TENM1: variants seen among roughly 807,000 people sequenced by gnomAD.
The protein encoded by TENM1 is teneurin transmembrane protein 1.
A neutral mutation model predicts 174.8 loss-of-function variants in TENM1; 35 were observed. That is an observed-to-expected ratio of 0.20 (90% CI 0.15 to 0.27). TENM1 has a LOEUF of 0.27. Among genes scored for constraint, TENM1 ranks in the 10% least tolerant of loss-of-function variants. The pLI, the probability that TENM1 is intolerant of heterozygous loss-of-function variation, is 1.00. For synonymous variants in TENM1, 781 were observed against 798.7 expected, an observed-to-expected ratio of 0.98 and a Z score of 0.37; for missense variants, 1,633 against 2,130.1, an observed-to-expected ratio of 0.77 and a Z score of 4.59.
At chrX:125,000,814 G>A in the TENM1 span, among the ~76,000 whole-genome samples, 865 of 111,386 alleles carry the variant, frequency 7.8e-3, 14 homozygotes, top group African/African-American at 0.026. Context: ...CTCATTACAT[G>A]AGGTTGAGAC....
the TENM1 span, among the ~76,000 whole-genome samples, chrX:125,020,527 T>TTTA: frequency 1.6e-4 from 18 of 109,168 alleles, no homozygotes; most frequent in Non-Finnish European, 2.5e-4. Flanking sequence ...CAGGTTTATT[T>TTTA]TTATTATTAT....
the TENM1 span, among the ~76,000 whole-genome samples, chrX:125,052,345 C>T: frequency 8.9e-6 from 1 of 111,762 alleles, no homozygotes; most frequent in Non-Finnish European, 1.9e-5. Flanking sequence ...AATGGCTCTT[C>T]GAATGGTTGT....
chrX:124,811,070 C>G, intron 3 of TENM1, among the ~76,000 whole-genome samples: 1 of 110,963 alleles, frequency 9.0e-6, no homozygotes, highest in East Asian at 2.8e-4. Context: ...TATAAAATGA[C>G]CAGGATAAAA....
intron 22 of TENM1, among the ~76,000 whole-genome samples, chrX:124,462,660 A>G (rs925659560): frequency 8.1e-5 from 9 of 111,420 alleles, no homozygotes; most frequent in Admixed American, 5.8e-4. Flanking sequence ...TCCAATCATG[A>G]TCCATGTAGG....
intron 3 of TENM1, among the ~76,000 whole-genome samples, chrX:124,739,707 A>T (rs2148556381): frequency 8.9e-6 from 1 of 112,356 alleles, no homozygotes; most frequent in East Asian, 2.8e-4. Context: ...ATATTATAGC[A>T]TCCCCATCAT....
intron 11 of TENM1, among the ~76,000 whole-genome samples, chrX:124,612,299 C>T (rs1002086670): frequency 1.9e-4 from 21 of 110,410 alleles, no homozygotes; most frequent in Non-Finnish European, 7.6e-5. Flanking sequence ...TTTCAAACTA[C>T]ACATACTCCA....
chrX:125,127,023 T>C, the TENM1 span, among the ~76,000 whole-genome samples: 1 of 111,654 alleles, frequency 9.0e-6, no homozygotes, highest in Non-Finnish European at 1.9e-5. Flanking sequence ...TGTAATATCA[T>C]TGTCTATGAA....
At chrX:124,385,364 G>T (rs1438926800) in intron 29 of TENM1, among the ~76,000 whole-genome samples, 1 of 112,149 alleles carries the variant, frequency 8.9e-6, no homozygotes. Flanking sequence ...GTTTCAGTGA[G>T]ACTTATATCT....
At chrX:124,760,587 A>C (rs1468162761) in intron 3 of TENM1, among the ~76,000 whole-genome samples, 2 of 112,090 alleles carry the variant, frequency 1.8e-5, no homozygotes, top group African/African-American at 6.5e-5. Context: ...AAACCAAAGA[A>C]AACCCTAGAA....
In TENM1 at chrX:124,782,480, A is replaced by C. The variant is rs189561642; in HGVS notation, c.536-45283T>G. Among the ~76,000 whole-genome samples, 63 of 111,037 alleles carry C rather than the reference A, an allele frequency of 5.7e-4. No individual in the cohort carries two copies. The Admixed American group carries it at 5.8e-3, about 10-fold the overall frequency. On this transcript the variant is annotated intron_variant, in intron 3 of 31. Coordinates refer to ENST00000422452, the Ensembl canonical transcript of TENM1. The stretch of plus-strand genomic sequence containing the variant: ...CATATATACCATACCCTATGCTTCA[A>C]CCAAAATGACTTACTTGGTATTACC...
At chrX:124,413,678 G>A (rs1442821857) in intron 25 of TENM1, among the ~76,000 whole-genome samples, 1 of 112,313 alleles carries the variant, frequency 8.9e-6, no homozygotes, top group Non-Finnish European at 1.9e-5. Context: ...ACAAGGAGAG[G>A]TGACTGAGCA....
At chrX:124,426,545 T>C (rs1214699512) in intron 23 of TENM1, among the ~76,000 whole-genome samples, 1 of 111,527 alleles carries the variant, frequency 9.0e-6, no homozygotes, top group Non-Finnish European at 1.9e-5. Context: ...ACTGGTGATA[T>C]TGTGAAGAGG....
chrX:125,039,417 G>A, the TENM1 span, among the ~76,000 whole-genome samples: 3 of 111,094 alleles, frequency 2.7e-5, no homozygotes, highest in African/African-American at 9.8e-5. Context: ...ACCACCAGGG[G>A]AGTCAAATGC....
intron 22 of TENM1, among the ~76,000 whole-genome samples, chrX:124,460,956 T>C (rs2061165982): frequency 1.8e-5 from 2 of 111,512 alleles, no homozygotes; most frequent in African/African-American, 6.5e-5. Flanking sequence ...CCCATTGGCT[T>C]TGTTAGATTG....
At chrX:124,514,399 C>A (rs1266660626) in intron 18 of TENM1, among the ~76,000 whole-genome samples, 3 of 110,591 alleles carry the variant, frequency 2.7e-5, no homozygotes, top group Non-Finnish European at 5.7e-5. Context: ...TTTAAAAGAT[C>A]AAAAAATTCA....
the TENM1 span, among the ~76,000 whole-genome samples, chrX:125,047,293 G>A: frequency 9.0e-6 from 1 of 111,629 alleles, no homozygotes; most frequent in Non-Finnish European, 1.9e-5. Flanking sequence ...TAACAATATT[G>A]TTTCCCCTGT....
chrX:125,157,647 C>T, the TENM1 span, among the ~76,000 whole-genome samples: 11 of 111,943 alleles, frequency 9.8e-5, no homozygotes, highest in African/African-American at 3.3e-4. Flanking sequence ...TTCCAAGTAA[C>T]TTTGCATTAT....
intron 1 of TENM1, among the ~76,000 whole-genome samples, chrX:124,919,852 A>G (rs2057992061): frequency 1.8e-5 from 2 of 111,354 alleles, no homozygotes; most frequent in African/African-American, 6.5e-5. Context: ...TGTACTGAAA[A>G]GAACTTGGCA....
At chrX:125,159,255 G>A in the TENM1 span, among the ~76,000 whole-genome samples, 3 of 112,006 alleles carry the variant, frequency 2.7e-5, no homozygotes, top group African/African-American at 9.7e-5. Flanking sequence ...CCCTTGGAAC[G>A]CTCAGACTGA....
Sources: allele counts gnomAD v4.1 joint callset (sites outside exome capture counted in the v4.1 genomes callset), GRCh38; gene constraint gnomAD v4.1.1; transcripts MANE v1.5; gene names NCBI Gene and HGNC (gene_info 2026-07-23, HGNC 2026-07-21).